The following UNC13C variants were observed in gnomAD, a reference collection of about 807,000 sequenced individuals.
UNC13C encodes unc-13 homolog C.
A neutral mutation model predicts 245.4 loss-of-function variants in UNC13C; 174 were observed. The observed-to-expected ratio is 0.71, with a 90% CI of 0.63 to 0.80. The LOEUF is 0.80. Among genes scored for constraint, UNC13C ranks in the 30% least tolerant of loss-of-function variants. UNC13C has a pLI of 0.00. For synonymous variants in UNC13C, 992 were observed against 895.1 expected, an observed-to-expected ratio of 1.11 and a Z score of -1.93; for missense variants, 2,829 against 2,602.9, an observed-to-expected ratio of 1.09 and a Z score of -1.89.
intron 30 of UNC13C, among the ~76,000 whole-genome samples, chr15:54,617,118 AC>A (rs1238093830): frequency 6.6e-6 from 1 of 152,096 alleles, no homozygotes; most frequent in African/African-American, 2.4e-5. Context: ...TGAAGAAATC[AC>A]CTAACACATT....
chr15:54,003,134 G>A (rs1894972282), intron 1 of UNC13C, among the ~76,000 whole-genome samples: 1 of 152,154 alleles, frequency 6.6e-6, no homozygotes, highest in Admixed American at 6.5e-5. Flanking sequence ...CCTGCTGCCT[G>A]AATTCAGCTA....
the UNC13C span, among the ~76,000 whole-genome samples, chr15:53,894,137 A>T: frequency 6.6e-6 from 1 of 151,972 alleles, no homozygotes; most frequent in East Asian, 1.9e-4. Context: ...GCGACACCCC[A>T]CCCTGCTTTG....
chr15:53,868,905 C>T, the UNC13C span, among the ~76,000 whole-genome samples: 1 of 152,032 alleles, frequency 6.6e-6, no homozygotes, highest in Non-Finnish European at 1.5e-5. Context: ...ATCATTTGAA[C>T]CCAGGAGTTG....
intron 2 of UNC13C, among the ~76,000 whole-genome samples, chr15:54,016,249 G>C (rs74524354): frequency 6.6e-6 from 1 of 152,102 alleles, no homozygotes; most frequent in Non-Finnish European, 1.5e-5. Context: ...CAACAGCCTG[G>C]CATCTATTTC....
intron 10 of UNC13C, among the ~76,000 whole-genome samples, chr15:54,279,411 G>T (rs1008877317): frequency 4.6e-5 from 7 of 152,184 alleles, no homozygotes; most frequent in African/African-American, 1.7e-4. Flanking sequence ...AGCCTGTACT[G>T]TGCTGTTGTA....
Position 54,333,822 on chromosome 15 carries a change from A to T in UNC13C, c.4550A>T (p.Asp1517Val). 6.2e-7 allele frequency: 1 copy of T among 1,606,488 alleles called. No homozygotes were observed. Among genetic ancestry groups the T allele is most frequent in the Non-Finnish European group, 8.5e-7 (1 of 1,176,016 alleles). ...ERLQDLKSTV[D>V]LLTSITFFRM... ...CTGCAAGACCTGAAATCAACTGTTG[A>T]CCTGTTAACAAGTATCACCTTTTTT... is the stretch of plus-strand genomic sequence containing the variant. The change falls in exon 16 of 33, where the codon GAC becomes GTC. Residue 1517 changes from aspartate (D) to valine (V), a missense_variant. Coordinates refer to ENST00000260323, the MANE Select transcript of UNC13C (RefSeq NM_001080534.3).
chr15:54,614,066 T>A (rs1900272091), intron 30 of UNC13C, among the ~76,000 whole-genome samples: 1 of 152,048 alleles, frequency 6.6e-6, no homozygotes, highest in Non-Finnish European at 1.5e-5. Flanking sequence ...CTGATTGTCA[T>A]ACTGCTTTCC....
intron 2 of UNC13C, among the ~76,000 whole-genome samples, chr15:54,084,308 C>T (rs777520066): frequency 2.0e-5 from 3 of 152,162 alleles, no homozygotes; most frequent in Non-Finnish European, 4.4e-5. Context: ...TCGTGTATAA[C>T]GGAGTGGGTG....
At position 54,098,334 on chromosome 15, in the gene UNC13C, C is replaced by T. The variant is rs189288250; in HGVS notation, c.2984-44684C>T. Among the ~76,000 whole-genome samples, 218 of 152,270 alleles carry T rather than the reference C, an allele frequency of 1.4e-3. 1 individual carries two copies. The highest frequency in any genetic ancestry group is 5.0e-3 in the African/African-American group (207 of 41,552). On this transcript the variant is annotated intron_variant, in intron 2 of 32. Coordinates refer to ENST00000260323, the MANE Select transcript of UNC13C (RefSeq NM_001080534.3). ...GGATTACAGGCAAGTGCCACCACGC[C>T]TGGCTAATTTTTGTATTTTTAGTAG...
Position 54,278,004 on chromosome 15 carries a change from T to C in UNC13C, c.3818+12508T>C, listed in dbSNP as rs1337561185. Among the ~76,000 whole-genome samples, 8 of 152,092 alleles carry C rather than the reference T, an allele frequency of 5.3e-5. No homozygotes were observed. The South Asian group carries it at 1.7e-3, about 32-fold the overall frequency. On this transcript the variant is annotated intron_variant, in intron 10 of 32. Coordinates refer to ENST00000260323, the MANE Select transcript of UNC13C (RefSeq NM_001080534.3). The stretch of plus-strand genomic sequence containing the variant: ...CACAGTCAGAGAGAAACAATCCCCT[T>C]AGATAACTTTCTGTTTATGGAAAAG...
intron 2 of UNC13C, among the ~76,000 whole-genome samples, chr15:54,061,987 TG>T (rs1324972901): frequency 2.0e-5 from 3 of 152,098 alleles, no homozygotes; most frequent in Non-Finnish European, 4.4e-5. Context: ...CATGCCAAGA[TG>T]GGGAGTGACT....
intron 2 of UNC13C, among the ~76,000 whole-genome samples, chr15:54,090,608 C>G (rs1899513509): frequency 3.9e-5 from 6 of 152,112 alleles, no homozygotes; most frequent in Admixed American, 2.6e-4. Flanking sequence ...TTGTATTTAG[C>G]CAATCACCAG....
At chr15:53,841,746 AG>A in the UNC13C span, among the ~76,000 whole-genome samples, 1 of 152,144 alleles carries the variant, frequency 6.6e-6, no homozygotes, top group Admixed American at 6.6e-5. Context: ...GAAGATCGTC[AG>A]GGGTCTCATG....
At position 53,991,601 on chromosome 15, in the gene UNC13C, C is replaced by A. The variant is rs559013325; in HGVS notation, c.-257+12674C>A. ...TCAACCTTCTAATCATCCATTATTT[C>A]TTTTGCTTGTATAAATTAAACAATC... On this transcript the variant is annotated intron_variant, in intron 1 of 32. Transcript: ENST00000260323. 2.0e-5 allele frequency among the ~76,000 whole-genome samples: 3 copies of A among 152,024 alleles called. No individual in the cohort carries two copies. In the South Asian group the frequency reaches 6.2e-4, roughly 32 times the overall value.
chr15:53,930,081 G>A, the UNC13C span, among the ~76,000 whole-genome samples: 1 of 152,250 alleles, frequency 6.6e-6, no homozygotes, highest in Non-Finnish European at 1.5e-5. Flanking sequence ...TAACTGGGCT[G>A]GAATGAAGCA....
In UNC13C at chr15:54,079,112, G is replaced by A. The variant is rs187040870; in HGVS notation, c.2983+63226G>A. ...TTTTTGTTGACTTTGTAGAAGATCA[G>A]TTGGTTATAGGTGTGTGACTTTATT... On this transcript the variant is annotated intron_variant, in intron 2 of 32. Transcript: ENST00000260323. Among the ~76,000 whole-genome samples, 31 of 152,200 alleles carry A rather than the reference G, an allele frequency of 2.0e-4. No homozygotes were observed. In the East Asian group the frequency reaches 5.8e-3, roughly 28 times the overall value.
intron 25 of UNC13C, among the ~76,000 whole-genome samples, chr15:54,528,232 C>T (rs1459761191): frequency 6.6e-6 from 1 of 152,004 alleles, no homozygotes; most frequent in African/African-American, 2.4e-5. Flanking sequence ...TCAACAATAA[C>T]TTGAAGATGG....
At chr15:54,323,953 A>G (rs1596220720) in intron 14 of UNC13C, among the ~76,000 whole-genome samples, 1 of 152,042 alleles carries the variant, frequency 6.6e-6, no homozygotes, top group Non-Finnish European at 1.5e-5. Flanking sequence ...AAAATTAGAT[A>G]ACATGCTCCT....
intron 19 of UNC13C, among the ~76,000 whole-genome samples, chr15:54,489,717 C>G (rs1893608707): frequency 6.6e-6 from 1 of 152,070 alleles, no homozygotes; most frequent in Admixed American, 6.6e-5. Flanking sequence ...TTAGTTAAAC[C>G]TGCCACAAAT....
Sources: allele counts gnomAD v4.1 joint callset (sites outside exome capture counted in the v4.1 genomes callset), GRCh38; gene constraint gnomAD v4.1.1; transcripts MANE v1.5; gene names NCBI Gene and HGNC (gene_info 2026-07-23, HGNC 2026-07-21).